ARMC2: variants seen among roughly 807,000 people sequenced by gnomAD.
ARMC2 encodes the protein armadillo repeat-containing protein 2.
In ARMC2, 67 loss-of-function variants were observed where a neutral mutation model predicts 90.3. The observed-to-expected ratio is 0.74, with a 90% CI of 0.61 to 0.91. The LOEUF is 0.91. Ranked by LOEUF, ARMC2 falls within the 40% of genes least tolerant of loss-of-function variation. The pLI is 0.00. For synonymous variants in ARMC2, 393 were observed against 393.0 expected (o/e 1.00, Z 0.00); for missense variants, 920 against 1,030.9 (o/e 0.89, Z 1.47).
downstream of ARMC2, among the ~76,000 whole-genome samples, chr6:108,975,850 T>G (rs527987566): frequency 1.3e-5 from 2 of 152,346 alleles, no homozygotes; most frequent in African/African-American, 4.8e-5. Flanking sequence ...GATGGGGTTG[T>G]TTGTTTTTTC....
intron 1 of ARMC2, 57 bp from the exon 2 acceptor site, chr6:108,854,168 C>CA: frequency 2.2e-6 from 2 of 905,388 alleles, no homozygotes; most frequent in Non-Finnish European, 3.3e-6. Context: ...CTTAAGCATT[C>CA]GTTTTTATAA....
intron 17 of ARMC2, among the ~76,000 whole-genome samples, chr6:108,966,043 T>G (rs2128516353): frequency 6.7e-6 from 1 of 148,442 alleles, no homozygotes; most frequent in South Asian, 2.2e-4. Context: ...TTTGGGTCAG[T>G]AAGTGAGTGT....
At chr6:108,989,337 G>A in the ARMC2 span, among the ~76,000 whole-genome samples, 1 of 151,916 alleles carries the variant, frequency 6.6e-6, no homozygotes, top group Non-Finnish European at 1.5e-5. Context: ...GAGTATTATC[G>A]AAATTAAGAA....
At chr6:109,038,558 T>C in the ARMC2 span, among the ~76,000 whole-genome samples, 5 of 152,194 alleles carry the variant, frequency 3.3e-5, no homozygotes, top group Non-Finnish European at 7.3e-5. Flanking sequence ...CAATGAGATG[T>C]TGACTCTAAG....
intron 13 of ARMC2, among the ~76,000 whole-genome samples, chr6:108,956,434 C>T (rs139858975): frequency 0.015 from 2,205 of 151,784 alleles, 31 homozygotes; most frequent in Non-Finnish European, 0.018. Context: ...CGGTGGTTCG[C>T]GCCTATAATC....
intron 10 of ARMC2, among the ~76,000 whole-genome samples, chr6:108,925,724 A>G (rs1033221855): frequency 6.6e-6 from 1 of 152,188 alleles, no homozygotes; most frequent in African/African-American, 2.4e-5. Context: ...GGTGTCATCT[A>G]TTGAGCTATT....
At chr6:108,937,872 A>G (rs1162152265) in intron 12 of ARMC2, among the ~76,000 whole-genome samples, 1 of 150,716 alleles carries the variant, frequency 6.6e-6, no homozygotes, top group South Asian at 2.1e-4. Flanking sequence ...TTGTTTTTGT[A>G]CTTTTAGTAG....
At chr6:108,957,629 C>A (rs1777695415) in intron 13 of ARMC2, among the ~76,000 whole-genome samples, 1 of 152,174 alleles carries the variant, frequency 6.6e-6, no homozygotes, top group African/African-American at 2.4e-5. Flanking sequence ...AGGCTCTTTT[C>A]TTCCTACCTC....
chr6:108,933,650 C>T (rs749180784), intron 11 of ARMC2, among the ~76,000 whole-genome samples: 2 of 152,130 alleles, frequency 1.3e-5, no homozygotes, highest in Non-Finnish European at 2.9e-5. Context: ...GTTTGGATGT[C>T]CTTTATTTCA....
chr6:108,866,276 C>T (rs1038697266), intron 3 of ARMC2, among the ~76,000 whole-genome samples: 8 of 152,194 alleles, frequency 5.3e-5, no homozygotes, highest in Admixed American at 2.0e-4. Context: ...CTTAGCTTTT[C>T]TGTTCCTATT....
the ARMC2 span, among the ~76,000 whole-genome samples, chr6:109,009,906 A>G: frequency 1.3e-5 from 2 of 152,002 alleles, no homozygotes; most frequent in East Asian, 3.9e-4. Flanking sequence ...ACAGCAGCCA[A>G]CCTCGAGACT....
At chr6:108,894,325 C>T (rs977399143) in intron 5 of ARMC2, 142 bp from the exon 6 acceptor site, 2 of 671,670 alleles carry the variant, frequency 3.0e-6, no homozygotes, top group Non-Finnish European at 4.6e-6. Context: ...ATGATCACAG[C>T]ACCACTGTTC....
chr6:108,945,690 T>G (rs1776755446), intron 12 of ARMC2, among the ~76,000 whole-genome samples: 1 of 152,248 alleles, frequency 6.6e-6, no homozygotes, highest in Admixed American at 6.5e-5. Context: ...GAACACTGAT[T>G]TGGAATGCTT....
intron 11 of ARMC2, among the ~76,000 whole-genome samples, chr6:108,932,541 T>TTG (rs1775645661): frequency 4.3e-5 from 5 of 116,128 alleles, no homozygotes; most frequent in African/African-American, 1.6e-4. Context: ...TTTTTTTTTT[T>TTG]TTGTTGAGAC....
chr6:108,925,762 A>G (rs1775050477), intron 10 of ARMC2, among the ~76,000 whole-genome samples: 1 of 152,198 alleles, frequency 6.6e-6, no homozygotes. Flanking sequence ...TGTATGGTAT[A>G]TGTTTCATGC....
In ARMC2 at chr6:108,864,352, G is replaced by A. The variant is rs566322048; in HGVS notation, c.292-4472G>A. On this transcript the variant is annotated intron_variant, in intron 3 of 17. Coordinates refer to ENST00000392644, the MANE Select transcript of ARMC2 (RefSeq NM_032131.6). ...CAACCATTGCCTCCCGGGTTCAAGTGATTCTCCTGCCTCAGCCTCCCAAGT... is the reference window on the plus strand; with the variant it reads ...CAACCATTGCCTCCCGGGTTCAAGTAATTCTCCTGCCTCAGCCTCCCAAGT... Among the ~76,000 whole-genome samples, 26 of 150,464 alleles carry A rather than the reference G, an allele frequency of 1.7e-4. No individual in the cohort carries two copies. In the East Asian group the frequency reaches 5.1e-3, roughly 30 times the overall value.
intron 4 of ARMC2, among the ~76,000 whole-genome samples, chr6:108,875,347 C>T (rs1166326779): frequency 6.6e-6 from 1 of 152,008 alleles, no homozygotes; most frequent in Admixed American, 6.6e-5. Context: ...CACAATCCAC[C>T]CCTCACCCCT....
intron 11 of ARMC2, among the ~76,000 whole-genome samples, chr6:108,933,123 T>C (rs1775712299): frequency 6.6e-6 from 1 of 152,170 alleles, no homozygotes; most frequent in Admixed American, 6.5e-5. Flanking sequence ...GGTAGTTTGA[T>C]AGGAATAGGA....
In ARMC2 at chr6:108,936,126, T is replaced by A. The variant is rs578194294; in HGVS notation, c.1497-774T>A. 3.3e-5 allele frequency among the ~76,000 whole-genome samples: 5 copies of A among 152,382 alleles called. No individual in the cohort carries two copies. In the South Asian group the frequency reaches 1.0e-3, roughly 32 times the overall value. On this transcript the variant is annotated intron_variant, in intron 11 of 17. Coordinates refer to ENST00000392644, the MANE Select transcript of ARMC2 (RefSeq NM_032131.6). The stretch of plus-strand genomic sequence containing the variant: ...GCTTGCTTACTTGCTTTAGAAATTT[T>A]GAAGCTGTTTTCAAGGCTTTCTGCC...
Sources: gnomAD v4.1 joint callset for allele counts (sites outside exome capture counted in the v4.1 genomes callset) on GRCh38, gnomAD v4.1.1 for gene constraint, MANE v1.5 for transcripts, NCBI Gene and HGNC (gene_info 2026-07-23, HGNC 2026-07-21) for gene names.